Variants in CCDC187 observed in about 807,000 individuals in gnomAD.
CCDC187 encodes the protein coiled-coil domain-containing protein 187.
Under a neutral mutation model 38.0 loss-of-function variants are expected in CCDC187, and 32 were observed. The observed-to-expected ratio is 0.84, with a 90% confidence interval of 0.64 to 1.13. CCDC187 has a LOEUF of 1.13. Among genes scored for constraint, CCDC187 ranks in the 50% most tolerant of loss-of-function variants. The pLI is 0.00. For synonymous variants in CCDC187, 333 were observed against 347.9 expected (o/e 0.96, Z 0.48); for missense variants, 707 against 786.8 (o/e 0.90, Z 1.21).
chr9:136,306,052 C>G (rs1831799900), upstream of CCDC187, among the ~76,000 whole-genome samples: 1 of 152,246 alleles, frequency 6.6e-6, no homozygotes, highest in African/African-American at 2.4e-5. Context: ...CCAGGAGACT[C>G]ACGCCTGCTG....
chr9:136,284,676 C>T (rs1227630225), intron 9 of CCDC187, among the ~76,000 whole-genome samples: 1 of 151,302 alleles, frequency 6.6e-6, no homozygotes, highest in Non-Finnish European at 1.5e-5. Flanking sequence ...GAGCGAGAGG[C>T]CGGCTGGGCA....
rs1021302367 is a variant in CCDC187 at position 136,258,055 on chromosome 9, C to T, written c.4366+877G>A. On this transcript the variant is annotated intron_variant, in intron 22 of 25. Coordinates refer to ENST00000638797, the MANE Select transcript of CCDC187 (RefSeq NM_001378188.1). The surrounding 1 kb of genome is among the most constrained non-coding windows in gnomAD (Gnocchi z 4.3). ...GTGACAGCTGGTACACGTGGCCATG[C>T]GGCGAGGGAGGCTTCAGGCTGAGCA... is the stretch of plus-strand genomic sequence containing the variant. Among the ~76,000 whole-genome samples the T allele has an allele frequency of 1.3e-5, 2 of 152,116 alleles. No homozygotes were observed. The highest frequency in any genetic ancestry group is 2.9e-5 in the Non-Finnish European group (2 of 68,024).
intron 3 of CCDC187, among the ~76,000 whole-genome samples, chr9:136,299,404 C>G (rs1831618536): frequency 6.6e-6 from 1 of 152,206 alleles, no homozygotes; most frequent in Non-Finnish European, 1.5e-5. Context: ...CAGCAACTGT[C>G]CCCACAAAAA....
At chr9:136,267,704 G>A (rs1360353111) in intron 15 of CCDC187, 193 bp from the exon 16 acceptor site, 87 of 909,788 alleles carry the variant, frequency 9.6e-5, no homozygotes, top group Non-Finnish European at 1.1e-4. Context: ...TTCCCCGACT[G>A]TGAGCTGGCG....
intron 4 of CCDC187, among the ~76,000 whole-genome samples, chr9:136,297,257 G>A (rs1484447129): frequency 1.3e-5 from 2 of 151,706 alleles, no homozygotes; most frequent in Admixed American, 6.6e-5. Flanking sequence ...TGGGGTGTAG[G>A]TGCCCTGAGC....
chr9:136,289,361 T>C (rs904443654), intron 7 of CCDC187, among the ~76,000 whole-genome samples: 2,110 of 151,574 alleles, frequency 0.014, 67 homozygotes, highest in African/African-American at 0.049. Context: ...CTACTAAAAA[T>C]ACAAAAAATT....
intron 2 of CCDC187, among the ~76,000 whole-genome samples, chr9:136,301,736 G>A (rs925507292): frequency 5.9e-5 from 9 of 151,790 alleles, no homozygotes; most frequent in South Asian, 4.2e-4. Context: ...ACAGGCGCCC[G>A]CCACCATGCC....
At chr9:136,292,328 G>A (rs1831353419) in intron 4 of CCDC187, 33 bp from the exon 5 acceptor site, 9 of 398,500 alleles carry the variant, frequency 2.3e-5, no homozygotes, top group Non-Finnish European at 3.5e-5. Context: ...ACAGCCGGGC[G>A]CCCCATGGCC....
chr9:136,293,283 G>A (rs1167009721), intron 4 of CCDC187, among the ~76,000 whole-genome samples: 5 of 133,496 alleles, frequency 3.7e-5, no homozygotes, highest in Admixed American at 3.1e-4. Flanking sequence ...ACACTAACAT[G>A]CTCACACACT....
Position 136,251,007 on chromosome 9 carries a change from C to G in CCDC187, c.*2587G>C, listed in dbSNP as rs1262203554. ...GTGACCTGGCATCTTAGGGCTTTGCCACGCCAGCTTTGTGATGCCTCCCAC... is the reference window on the plus strand; with the variant it reads ...GTGACCTGGCATCTTAGGGCTTTGCGACGCCAGCTTTGTGATGCCTCCCAC... On this transcript the variant is annotated 3_prime_UTR_variant, in exon 26 of 26. Coordinates refer to ENST00000638797, the MANE Select transcript of CCDC187 (RefSeq NM_001378188.1). 2.2e-6 allele frequency: 1 copy of G among 456,154 alleles called. No individual in the cohort carries two copies. Among genetic ancestry groups the G allele is most frequent in the Non-Finnish European group, 4.4e-6 (1 of 226,918 alleles). The allele number at this position is 456,154 out of a possible 1,614,324, so 28.3% of individuals were successfully genotyped here.
Position 136,288,593 on chromosome 9 carries a change from A to G in CCDC187, c.2222+1366T>C, listed in dbSNP as rs963728047. On this transcript the variant is annotated intron_variant, in intron 7 of 25. Transcript: ENST00000638797. Reference sequence around the variant, plus strand: ...CCAGAGAGTGTTTGCCACTGGCCTGAAGCTGGGGCCTTCCACAGCCCTTCC... The same window carrying G: ...CCAGAGAGTGTTTGCCACTGGCCTGGAGCTGGGGCCTTCCACAGCCCTTCC... Among the ~76,000 whole-genome samples, 3 of 152,294 alleles carry G rather than the reference A, an allele frequency of 2.0e-5. No homozygotes were observed. The South Asian group carries it at 6.2e-4, about 32-fold the overall frequency.
chr9:136,255,258 G>A (rs936154963), intron 25 of CCDC187, 124 bp from the exon 26 acceptor site: 11 of 376,216 alleles, frequency 2.9e-5, no homozygotes, highest in Non-Finnish European at 4.0e-5. Flanking sequence ...GAAAAGCGTC[G>A]AGGGTGCCAG....
chr9:136,280,880 CCATT>C (rs1321836198), intron 10 of CCDC187: 1 of 152,396 alleles, frequency 6.6e-6, no homozygotes, highest in African/African-American at 2.4e-5. Flanking sequence ...ATGGGGGCCC[CCATT>C]CACTCAGAAT....
chr9:136,293,970 TCACATGCTCTCACA>T (rs1490829979), intron 4 of CCDC187, among the ~76,000 whole-genome samples: 1 of 108,270 alleles, frequency 9.2e-6, no homozygotes, highest in Admixed American at 1.1e-4. Context: ...ACACATGCCC[TCACATGCTCTCACA>T]CACACACTCA....
chr9:136,261,247 G>C (rs555098747), intron 19 of CCDC187, among the ~76,000 whole-genome samples: 2 of 152,150 alleles, frequency 1.3e-5, no homozygotes. Context: ...GGAGGGAAGC[G>C]CACCTGCTCC....
chr9:136,270,047 C>CAG (rs2131183849), intron 14 of CCDC187, among the ~76,000 whole-genome samples: 1 of 152,214 alleles, frequency 6.6e-6, no homozygotes, highest in Non-Finnish European at 1.5e-5. Context: ...CAAAAGGAAA[C>CAG]AGAGAAGAAA....
chr9:136,279,920 C>T (rs1831006154), intron 10 of CCDC187, among the ~76,000 whole-genome samples: 1 of 151,806 alleles, frequency 6.6e-6, no homozygotes, highest in African/African-American at 2.4e-5. Flanking sequence ...GTCGTCCTCT[C>T]TCCTTCTCGC....
At chr9:136,304,757 G>T (rs1174986194), upstream of CCDC187, among the ~76,000 whole-genome samples, 1 of 152,334 alleles carries the variant, frequency 6.6e-6, no homozygotes, top group African/African-American at 2.4e-5. Context: ...GTGAGCCCCT[G>T]GTGAGTCCAT....
rs1220229505 is a variant in CCDC187, at chr9:136,251,011, C to G, written c.*2583G>C. 1 of 456,252 alleles carries G rather than the reference C, an allele frequency of 2.2e-6. No homozygotes were observed. The highest frequency in any genetic ancestry group is 4.4e-6 in the Non-Finnish European group (1 of 226,908). 28.3% of individuals were successfully genotyped at this position (456,252 alleles called of 1,614,324 possible). ...CCTGGCATCTTAGGGCTTTGCCACG[C>G]CAGCTTTGTGATGCCTCCCACCAGA... On this transcript the variant is annotated 3_prime_UTR_variant, in exon 26 of 26. Transcript: ENST00000638797.
Sources: allele counts gnomAD v4.1 joint callset (sites outside exome capture counted in the v4.1 genomes callset), GRCh38; gene constraint gnomAD v4.1.1; non-coding constraint Gnocchi (gnomAD v3.1); transcripts MANE v1.5; gene names NCBI Gene and HGNC (gene_info 2026-07-23, HGNC 2026-07-21).